Variants in GRIP2 observed in about 807,000 individuals in gnomAD.
The protein encoded by GRIP2 is glutamate receptor-interacting protein 2.
Under a neutral mutation model 108.3 loss-of-function variants are expected in GRIP2, and 58 were observed. The observed-to-expected ratio is 0.54, with a 90% CI of 0.43 to 0.67. The LOEUF is 0.67. GRIP2 is among the 30% of genes least tolerant of loss of function. GRIP2 has a pLI of 0.00. For synonymous variants in GRIP2, 586 were observed against 598.2 expected (o/e 0.98, Z 0.30); for missense variants, 1,278 against 1,430.6 (o/e 0.89, Z 1.72).
intron 1 of GRIP2, among the ~76,000 whole-genome samples, chr3:14,528,000 C>T (rs565602852): frequency 2.8e-4 from 42 of 152,310 alleles, no homozygotes; most frequent in Non-Finnish European, 4.6e-4. Flanking sequence ...ACCACCACCA[C>T]GACCAAGTTT....
chr3:14,532,188 C>CA, intron 1 of GRIP2, among the ~76,000 whole-genome samples: 1 of 152,374 alleles, frequency 6.6e-6, no homozygotes, highest in African/African-American at 2.4e-5. Flanking sequence ...CGCGCCCTCC[C>CA]ATCCTCAGCG....
rs558371816 is a variant in GRIP2, at chr3:14,511,646, C to T, written c.1721-167G>A. Among the ~76,000 whole-genome samples the T allele has an allele frequency of 3.3e-5, 5 of 152,332 alleles. No homozygotes were observed. Among genetic ancestry groups the T allele is most frequent in the Non-Finnish European group, 7.3e-5 (5 of 68,036 alleles). On this transcript the variant is annotated intron_variant, in intron 14 of 23. Transcript: ENST00000621039. This position sits in a 1 kb window ranked among gnomAD's most constrained non-coding sequence, Gnocchi z 4.1. ...GAGCAAATCAGCTCACCTCCCTGTG[C>T]ATCAGTTTCCCCCCTGTAAAATGGG...
chr3:14,496,408 T>A lies in GRIP2; in HGVS notation c.2823+9A>T. On this transcript the variant is annotated intron_variant, in intron 22 of 23. Transcript: ENST00000621039. ...GTCCAGGTCTCCTGTGCTCACCCCC[T>A]GTGCCTACCTTGTGCATCTCCAAGG... 6.2e-7 allele frequency: 1 copy of A among 1,605,486 alleles called. No individual in the cohort carries two copies. The highest frequency in any genetic ancestry group is 8.5e-7 in the Non-Finnish European group (1 of 1,174,906).
chr3:14,599,398 C>G, the GRIP2 span, among the ~76,000 whole-genome samples: 4 of 152,130 alleles, frequency 2.6e-5, no homozygotes, highest in African/African-American at 9.7e-5. Flanking sequence ...TCAACTGGGT[C>G]GCAGCGCCTT....
At chr3:14,517,661 C>A in intron 10 of GRIP2, 111 bp downstream of exon 10, 1 of 1,395,450 alleles carries the variant, frequency 7.2e-7, no homozygotes. Flanking sequence ...ACCACCACAC[C>A]CAGCTCACTA....
At chr3:14,562,748 TCCTCGGACTCCC>T in the GRIP2 span, among the ~76,000 whole-genome samples, 3 of 92,334 alleles carry the variant, frequency 3.2e-5, no homozygotes, top group South Asian at 3.8e-4. Context: ...AGGCAGACGG[TCCTCGGACTCCC>T]GGACAGGTCT....
the GRIP2 span, among the ~76,000 whole-genome samples, chr3:14,579,378 GTGTGT>G: frequency 2.0e-5 from 3 of 152,278 alleles, no homozygotes; most frequent in East Asian, 5.8e-4. Flanking sequence ...CTAAAAATGA[GTGTGT>G]TTTACTGTAT....
At chr3:14,553,477 A>T (rs1221326265) in intron 1 of GRIP2, among the ~76,000 whole-genome samples, 2 of 152,196 alleles carry the variant, frequency 1.3e-5, no homozygotes, top group East Asian at 3.9e-4. Context: ...TCATCCTTAA[A>T]TACGCAGCTC....
upstream of GRIP2, among the ~76,000 whole-genome samples, chr3:14,543,893 T>C (rs966767460): frequency 2.6e-5 from 4 of 152,186 alleles, no homozygotes; most frequent in Admixed American, 2.6e-4. Context: ...TCCAAATCTC[T>C]CTGGACCTCA....
Position 14,491,955 on chromosome 3 carries a change from C to T in GRIP2, c.*1710G>A, listed in dbSNP as rs1410814782. The T allele has an allele frequency of 1.3e-5, 2 of 152,462 alleles. No individual in the cohort carries two copies. Among genetic ancestry groups the T allele is most frequent in the African/African-American group, 4.8e-5 (2 of 41,454 alleles). The allele number at this position is 152,462 out of a possible 1,614,324, so 9.4% of individuals were successfully genotyped here. A position where few individuals can be genotyped will look rare whatever the true frequency, so the allele number is the denominator to read the frequency against. On this transcript the variant is annotated 3_prime_UTR_variant, in exon 24 of 24. Coordinates refer to ENST00000621039, the MANE Select transcript of GRIP2 (RefSeq NM_001080423.4). ...GCAGAGGCGCTGAGCACCCCAGGCA[C>T]AAGCATGCAGGGCCCTCAGGGAGGG...
At chr3:14,592,072 G>A in the GRIP2 span, among the ~76,000 whole-genome samples, 3 of 152,232 alleles carry the variant, frequency 2.0e-5, no homozygotes, top group African/African-American at 7.2e-5. Flanking sequence ...TAAGTAATAT[G>A]AATAAGGCTG....
rs1384316025 is a variant in GRIP2, at chr3:14,521,822, C to A, written c.567-35G>T. On this transcript the variant is annotated intron_variant, in intron 6 of 23. Coordinates refer to ENST00000621039, the MANE Select transcript of GRIP2 (RefSeq NM_001080423.4). This position sits in a 1 kb window ranked among gnomAD's most constrained non-coding sequence, Gnocchi z 5.1. ...AGGGCCAGTCACCAGCCTGGCCCGG[C>A]AGCAGCACTGGGCACAGCCTGTCTG... 2 of 1,541,172 alleles carry A rather than the reference C, an allele frequency of 1.3e-6. No individual in the cohort carries two copies. Among genetic ancestry groups the A allele is most frequent in the African/African-American group, 1.4e-5 (1 of 73,368 alleles).
At chr3:14,523,482 C>T (rs974178544) in intron 5 of GRIP2, 130 bp downstream of exon 5, 4 of 678,904 alleles carry the variant, frequency 5.9e-6, no homozygotes, top group African/African-American at 3.6e-5. Context: ...CTTACCTTAA[C>T]GGTCCTGTGT....
At chr3:14,585,087 C>T in the GRIP2 span, among the ~76,000 whole-genome samples, 18 of 152,192 alleles carry the variant, frequency 1.2e-4, no homozygotes, top group Non-Finnish European at 2.4e-4. Flanking sequence ...TGCAGTGGCA[C>T]GATCTCAGCT....
At chr3:14,526,391 T>C (rs922191549) in intron 1 of GRIP2, among the ~76,000 whole-genome samples, 5 of 152,148 alleles carry the variant, frequency 3.3e-5, no homozygotes, top group African/African-American at 1.2e-4. Flanking sequence ...GGGGGAGCTC[T>C]CTCAAACGCA....
At chr3:14,534,178 A>C (rs567867692) in intron 1 of GRIP2, among the ~76,000 whole-genome samples, 1 of 152,112 alleles carries the variant, frequency 6.6e-6, no homozygotes, top group Non-Finnish European at 1.5e-5. Flanking sequence ...ATGGGGGGGA[A>C]CTGAGGCAGC....
intron 21 of GRIP2, among the ~76,000 whole-genome samples, chr3:14,499,167 A>G (rs575828074): frequency 9.8e-5 from 15 of 152,318 alleles, no homozygotes; most frequent in African/African-American, 2.9e-4. Flanking sequence ...GCCTTCCACA[A>G]TAGTGCAGAA....
In GRIP2 at chr3:14,505,276, A is replaced by G. The variant is rs996439171; in HGVS notation, c.2573+339T>C. On this transcript the variant is annotated intron_variant, in intron 20 of 23. Transcript: ENST00000621039. The surrounding 1 kb of genome is among the most constrained non-coding windows in gnomAD (Gnocchi z 4.2). ...CCGGTGGGCTGAGGGCCCTCGCAGG[A>G]GGCCATCAGGCCATCTGGGGTAAGT... Among the ~76,000 whole-genome samples the G allele has an allele frequency of 6.6e-6, 1 of 152,086 alleles. No individual in the cohort carries two copies. The highest frequency in any genetic ancestry group is 6.5e-5 in the Admixed American group (1 of 15,274).
chr3:14,574,854 A>G, the GRIP2 span: 1 of 313,920 alleles, frequency 3.2e-6, no homozygotes, highest in African/African-American at 2.2e-5. Context: ...AAACGGATGA[A>G]TATCAAAAAC....
Sources: allele counts gnomAD v4.1 joint callset (sites outside exome capture counted in the v4.1 genomes callset), GRCh38; gene constraint gnomAD v4.1.1; non-coding constraint Gnocchi (gnomAD v3.1); transcripts MANE v1.5; gene names NCBI Gene and HGNC (gene_info 2026-07-23, HGNC 2026-07-21).